Variants in KCNK18 observed in about 807,000 individuals in gnomAD.
KCNK18 encodes the protein potassium channel subfamily K member 18.
Under a neutral mutation model 11.8 loss-of-function variants are expected in KCNK18, and 8 were observed. The ratio of observed to expected loss-of-function variants is 0.68; its 90% CI spans 0.40 to 1.22. KCNK18 has a LOEUF of 1.22. Among genes scored for constraint, KCNK18 ranks in the 50% most tolerant of loss-of-function variants. The pLI, the probability that KCNK18 is intolerant of heterozygous loss-of-function variation, is 0.01. For missense variants in KCNK18, 442 were observed against 465.4 expected, an observed-to-expected ratio of 0.95 and a Z score of 0.46; for synonymous variants, 208 against 185.8, an observed-to-expected ratio of 1.12 and a Z score of -0.97.
At chr10:117,209,436 C>A (rs1855114858) in intron 2 of KCNK18, 61 bp from the exon 3 acceptor site, 1 of 1,402,076 alleles carries the variant, frequency 7.1e-7, no homozygotes, top group Admixed American at 1.7e-5. Flanking sequence ...CTCTTTAAAG[C>A]TTTTGGGGGG....
Position 117,204,266 on chromosome 10 carries a change from G to A in KCNK18, c.352+2979G>A, listed in dbSNP as rs1377221625. On this transcript the variant is annotated intron_variant, in intron 2 of 2. Coordinates refer to ENST00000334549, the MANE Select transcript of KCNK18 (RefSeq NM_181840.1). ...GACAAGAGTTGGCCTGGATGGCAGAGTCTCAAAAAAAAAAAAAAAAGAAAA... is the reference window on the plus strand; with the variant it reads ...GACAAGAGTTGGCCTGGATGGCAGAATCTCAAAAAAAAAAAAAAAAGAAAA... Among the ~76,000 whole-genome samples the A allele has an allele frequency of 4.6e-5, 4 of 87,508 alleles. No homozygotes were observed. In the Admixed American group the frequency reaches 6.0e-4, roughly 13 times the overall value. 57.4% of individuals were successfully genotyped at this position (87,508 alleles called of 152,430 possible). A position where few individuals can be genotyped will look rare whatever the true frequency, so the allele number is the denominator to read the frequency against.
intron 2 of KCNK18, among the ~76,000 whole-genome samples, chr10:117,206,066 T>A (rs1589967311): frequency 1.3e-5 from 2 of 151,980 alleles, no homozygotes; most frequent in African/African-American, 2.4e-5. Context: ...AAAAAAAAGA[T>A]ACAAACCTGA....
intron 2 of KCNK18, among the ~76,000 whole-genome samples, chr10:117,203,933 G>A (rs572017358): frequency 7.2e-5 from 11 of 152,260 alleles, no homozygotes; most frequent in African/African-American, 2.6e-4. Flanking sequence ...TACCTGCCTC[G>A]GCCTCCCAAA....
rs372982639 is a variant in KCNK18, at chr10:117,209,712, C to A, written c.568C>A (p.Pro190Thr). ...CCCCAAATCTCTCTTCAAGAAAAAACCGGACCCCAAGCCCGCAGATGAAGC... is the reference window on the plus strand; with the variant it reads ...CCCCAAATCTCTCTTCAAGAAAAAAACGGACCCCAAGCCCGCAGATGAAGC... ...WCPKSLFKKKPDPKPADEAVP... is the reference protein window; with the variant it reads ...WCPKSLFKKKTDPKPADEAVP... The change falls in exon 3 of 3, where the codon CCG (proline) becomes ACG (threonine). Residue 190 changes from proline to threonine, a missense_variant. Transcript: ENST00000334549. The A allele has an allele frequency of 4.4e-5, 71 of 1,611,546 alleles. No homozygotes were observed. The African/African-American group carries it at 8.0e-4, about 18-fold the overall frequency.
intron 2 of KCNK18, among the ~76,000 whole-genome samples, chr10:117,203,694 G>A (rs1354940914): frequency 6.6e-6 from 1 of 152,216 alleles, no homozygotes; most frequent in African/African-American, 2.4e-5. Context: ...CACATGCCAT[G>A]CATGGCTAAT....
At chr10:117,198,365 T>C (rs3026037) in intron 1 of KCNK18, among the ~76,000 whole-genome samples, 1 of 152,018 alleles carries the variant, frequency 6.6e-6, no homozygotes, top group Non-Finnish European at 1.5e-5. Flanking sequence ...AAAGCTTTGT[T>C]CTCTCTGGGT....
chr10:117,204,299 A>G (rs1394753951), intron 2 of KCNK18, among the ~76,000 whole-genome samples: 1 of 151,812 alleles, frequency 6.6e-6, no homozygotes, highest in African/African-American at 2.4e-5. Context: ...AAAAAGAAAA[A>G]AACCTCAGAT....
chr10:117,202,845 C>T (rs1018863717), intron 2 of KCNK18, among the ~76,000 whole-genome samples: 1 of 149,962 alleles, frequency 6.7e-6, no homozygotes, highest in African/African-American at 2.5e-5. Context: ...CCCAGGAGGG[C>T]TCTCACAGCC....
intron 1 of KCNK18, among the ~76,000 whole-genome samples, chr10:117,200,905 C>T (rs1175468646): frequency 6.6e-6 from 1 of 152,098 alleles, no homozygotes; most frequent in Admixed American, 6.5e-5. Flanking sequence ...CTGGTGGGAC[C>T]CCCATGGGCC....
At position 117,201,185 on chromosome 10, in the gene KCNK18, C is replaced by A. The variant is rs1427554278; in HGVS notation, c.250C>A (p.Gln84Lys). 1.2e-6 allele frequency: 2 copies of A among 1,614,166 alleles called. No homozygotes were observed. The highest frequency in any genetic ancestry group is 1.7e-5 in the Admixed American group (1 of 60,028). Residue 84 changes from glutamine (Q) to lysine (K), a missense_variant, in exon 2 of 3, where the codon CAG becomes AAG. Physicochemically the swap from Gln to Lys is moderately conservative, Grantham distance 53. Coordinates refer to ENST00000334549, the MANE Select transcript of KCNK18 (RefSeq NM_181840.1). ...GGTGGAAGACAGAAAACAGGATCTC[C>A]AGGGGCATCTGCAGAAGGTGAAGCC... ...TVVEDRKQDL[Q>K]GHLQKVKPQW...
At position 117,210,234 on chromosome 10, in the gene KCNK18, G is replaced by A. The variant is rs1843747851; in HGVS notation, c.1090G>A (p.Asp364Asn). ...AFKLVQNRLI[D>N]IYKNVMLFFA... Reference sequence around the variant, plus strand: ...CAAGTTGGTGCAAAACAGGCTGATTGACATATACAAAAATGTTATGCTATT... The same window carrying A: ...CAAGTTGGTGCAAAACAGGCTGATTAACATATACAAAAATGTTATGCTATT... The change falls in exon 3 of 3, where the codon GAC (aspartate) becomes AAC (asparagine). Residue 364 changes from aspartate to asparagine, a missense_variant. Physicochemically the swap from Asp to Asn is conservative, Grantham distance 23. Coordinates refer to ENST00000334549, the MANE Select transcript of KCNK18 (RefSeq NM_181840.1). 1.2e-6 allele frequency: 2 copies of A among 1,614,050 alleles called. No individual in the cohort carries two copies. Among genetic ancestry groups the A allele is most frequent in the Non-Finnish European group, 1.7e-6 (2 of 1,180,030 alleles).
chr10:117,205,383 A>G (rs1312871223), intron 2 of KCNK18, among the ~76,000 whole-genome samples: 4 of 152,206 alleles, frequency 2.6e-5, no homozygotes, highest in Non-Finnish European at 5.9e-5. Flanking sequence ...TGCTTCCTTT[A>G]AACTTTTTCA....
At chr10:117,201,013 C>T in intron 1 of KCNK18, 146 bp from the exon 2 acceptor site, 2 of 924,678 alleles carry the variant, frequency 2.2e-6, no homozygotes, top group Non-Finnish European at 3.5e-6. Context: ...TAAAGGAGGA[C>T]TCCGACCACC....
At chr10:117,207,473 A>G (rs1344412626) in intron 2 of KCNK18, among the ~76,000 whole-genome samples, 1 of 152,226 alleles carries the variant, frequency 6.6e-6, no homozygotes, top group South Asian at 2.1e-4. Context: ...AGGCTCAGAG[A>G]GATCGTATCC....
At chr10:117,205,250 C>T (rs1159482197) in intron 2 of KCNK18, among the ~76,000 whole-genome samples, 2 of 152,206 alleles carry the variant, frequency 1.3e-5, no homozygotes, top group Non-Finnish European at 2.9e-5. Context: ...GTGCAGTGAA[C>T]TGATTGTATC....
Position 117,209,890 on chromosome 10 carries a change from G to A in KCNK18, c.746G>A (p.Arg249Lys). Residue 249 changes from arginine (R) to lysine (K), a missense_variant, in exon 3 of 3, where the codon AGG becomes AAG. Physicochemically the swap from Arg to Lys is conservative, Grantham distance 26. Transcript: ENST00000334549. ...TLQLPPQAME[R>K]SNSCPELVLG... Reference sequence around the variant, plus strand: ...CAACTGCCCCCACAAGCCATGGAGAGGAGTAACTCGTGTCCCGAACTGGTG... The same window carrying A: ...CAACTGCCCCCACAAGCCATGGAGAAGAGTAACTCGTGTCCCGAACTGGTG... The A allele has an allele frequency of 6.2e-7, 1 of 1,614,180 alleles. No homozygotes were observed. The highest frequency in any genetic ancestry group is 8.5e-7 in the Non-Finnish European group (1 of 1,180,034).
rs548477474 is a variant in KCNK18, at chr10:117,209,389, T to TA, written c.353-104dup. ...GATGAGTATTTTCAAAAACAATGTGTAAAATGTCATGCCAAGGAGGGGAGA... is the reference window on the plus strand; with the variant it reads ...GATGAGTATTTTCAAAAACAATGTGTAAAAATGTCATGCCAAGGAGGGGAGA... On this transcript the variant is annotated intron_variant, in intron 2 of 2. Coordinates refer to ENST00000334549, the MANE Select transcript of KCNK18 (RefSeq NM_181840.1). The TA allele has an allele frequency of 2.0e-3, 1,897 of 931,876 alleles. 4 individuals carry two copies. Among genetic ancestry groups the TA allele is most frequent in the Non-Finnish European group, 2.3e-3 (1,262 of 559,386 alleles). 57.7% of individuals were successfully genotyped at this position (931,876 alleles called of 1,614,324 possible). A position where few individuals can be genotyped will look rare whatever the true frequency, so the allele number is the denominator to read the frequency against.
chr10:117,201,131 T>G, intron 1 of KCNK18, 28 bp from the exon 2 acceptor site: 1 of 1,613,916 alleles, frequency 6.2e-7, no homozygotes, highest in Non-Finnish European at 8.5e-7. Flanking sequence ...AACCTTTTCC[T>G]CAAACTCTTG....
At position 117,210,248 on chromosome 10, in the gene KCNK18, TG is replaced by T. The variant is rs1843748250; in HGVS notation, c.1105del (p.Val369LeufsTer?). On this transcript the variant is annotated frameshift_variant, in exon 3 of 3. Coordinates refer to ENST00000334549, the MANE Select transcript of KCNK18 (RefSeq NM_181840.1). LOFTEE classifies it low-confidence loss of function (END_TRUNC). ...QNRLIDIYKN[V>X]MLFFAKGKFY... ...ACAGGCTGATTGACATATACAAAAA[TG>T]TTATGCTATTCTTTGCAAAAGGGAA... 1 of 1,614,072 alleles carries T rather than the reference TG, an allele frequency of 6.2e-7. No homozygotes were observed. The highest frequency in any genetic ancestry group is 1.3e-5 in the African/African-American group (1 of 74,940).
Sources: allele counts gnomAD v4.1 joint callset (sites outside exome capture counted in the v4.1 genomes callset), GRCh38; gene constraint gnomAD v4.1.1; transcripts MANE v1.5; gene names NCBI Gene and HGNC (gene_info 2026-07-23, HGNC 2026-07-21).